Variants in ZNF385D observed in about 807,000 individuals in gnomAD.
The protein encoded by ZNF385D is zinc finger protein 385D.
A neutral mutation model predicts 35.8 loss-of-function variants in ZNF385D; 15 were observed. That is an observed-to-expected ratio of 0.42 (90% CI 0.28 to 0.64). The LOEUF (loss-of-function observed/expected upper bound fraction) is 0.64. Ranked by LOEUF, ZNF385D falls within the 30% of genes least tolerant of loss-of-function variation. ZNF385D has a pLI of 0.23. For synonymous variants in ZNF385D, 212 were observed against 186.8 expected (o/e 1.13, Z -1.10); for missense variants, 474 against 494.6 (o/e 0.96, Z 0.39).
chr3:22,327,892 A>C (rs938300255), intron 2 of ZNF385D, among the ~76,000 whole-genome samples: 1 of 152,186 alleles, frequency 6.6e-6, no homozygotes, highest in Non-Finnish European at 1.5e-5. Context: ...TCAACACTTG[A>C]GGTGTAACAT....
chr3:21,849,766 G>A (rs1179040863), intron 3 of ZNF385D: 1 of 151,648 alleles, frequency 6.6e-6, no homozygotes, highest in Admixed American at 6.6e-5. Context: ...GAATATTATT[G>A]AGTAGAGGTC....
chr3:21,425,435 T>A, intron 6 of ZNF385D, 57 bp downstream of exon 6: 1 of 1,468,712 alleles, frequency 6.8e-7, no homozygotes, highest in Non-Finnish European at 9.1e-7. Flanking sequence ...AGCACACACA[T>A]CCTGCTTATA....
chr3:22,270,816 AACTT>A (rs1210981657), intron 2 of ZNF385D, among the ~76,000 whole-genome samples: 1 of 152,016 alleles, frequency 6.6e-6, no homozygotes, highest in East Asian at 1.9e-4. Context: ...AAATGTATTG[AACTT>A]ACTTATGTAA....
intron 3 of ZNF385D, among the ~76,000 whole-genome samples, chr3:21,852,852 A>G (rs1386383893): frequency 1.3e-5 from 2 of 151,876 alleles, no homozygotes; most frequent in African/African-American, 2.4e-5. Flanking sequence ...ATTGTATTCA[A>G]AGAAATAATG....
chr3:22,094,686 G>A (rs1167701210), intron 3 of ZNF385D, among the ~76,000 whole-genome samples: 2 of 151,882 alleles, frequency 1.3e-5, no homozygotes, highest in Non-Finnish European at 2.9e-5. Context: ...GGGAGAAGAT[G>A]GCTAGTCATG....
chr3:21,440,488 A>G (rs1260955306), intron 4 of ZNF385D, among the ~76,000 whole-genome samples: 7 of 152,158 alleles, frequency 4.6e-5, no homozygotes, highest in Non-Finnish European at 5.9e-5. Flanking sequence ...GCCTAAGGAA[A>G]TATGAGAAAT....
chr3:21,475,160 T>C (rs1433412311), intron 4 of ZNF385D, among the ~76,000 whole-genome samples: 1 of 152,068 alleles, frequency 6.6e-6, no homozygotes, highest in African/African-American at 2.4e-5. Flanking sequence ...ATTTTTGAAT[T>C]ATTTATGTTA....
Position 21,910,540 on chromosome 3 carries a change from T to C in ZNF385D, c.326-245512A>G, listed in dbSNP as rs1699912814. On this transcript the variant is annotated intron_variant, in intron 3 of 5. Transcript: ENST00000494108. Reference sequence around the variant, plus strand: ...ATTATTAAAATTCTCATTTAAACACTAATATAACTGCTCTAATGAGCCAAA... The same window carrying C: ...ATTATTAAAATTCTCATTTAAACACCAATATAACTGCTCTAATGAGCCAAA... Among the ~76,000 whole-genome samples, 3 of 151,912 alleles carry C rather than the reference T, an allele frequency of 2.0e-5. No homozygotes were observed. In the Admixed American group the frequency reaches 2.0e-4, roughly 10 times the overall value.
intron 4 of ZNF385D, among the ~76,000 whole-genome samples, chr3:21,502,537 C>G (rs143602369): frequency 2.6e-5 from 4 of 152,108 alleles, no homozygotes; most frequent in Non-Finnish European, 5.9e-5. Context: ...CCAAATAGAA[C>G]CAGCCAAATA....
chr3:22,014,537 T>A (rs897234567), intron 3 of ZNF385D, among the ~76,000 whole-genome samples: 43 of 152,058 alleles, frequency 2.8e-4, no homozygotes, highest in Admixed American at 8.5e-4. Context: ...TTAAGAAAGT[T>A]TGAACCCCAA....
chr3:21,861,239 G>T lies in ZNF385D; in HGVS notation c.326-196211C>A, dbSNP rs184098130. 2.3e-4 allele frequency among the ~76,000 whole-genome samples: 35 copies of T among 152,224 alleles called. No homozygotes were observed. The East Asian group carries it at 6.4e-3, about 28-fold the overall frequency. ...CAAGTTCTATTTTTTTCGTGCCATA[G>T]TCCAGGTGTTTTGGCTGTATCAATA... On this transcript the variant is annotated intron_variant, in intron 3 of 5. Transcript: ENST00000494108.
At chr3:22,325,732 T>G (rs1394806728) in intron 2 of ZNF385D, among the ~76,000 whole-genome samples, 1 of 151,822 alleles carries the variant, frequency 6.6e-6, no homozygotes, top group Non-Finnish European at 1.5e-5. Flanking sequence ...CACTCCAGAG[T>G]GGCCAACAGA....
intron 2 of ZNF385D, among the ~76,000 whole-genome samples, chr3:22,209,859 G>C (rs576612789): frequency 9.2e-5 from 14 of 151,660 alleles, no homozygotes; most frequent in African/African-American, 3.4e-4. Context: ...TGTATATTCA[G>C]CCTTATCTTT....
At chr3:21,754,504 G>A (rs2070249677), upstream of ZNF385D, among the ~76,000 whole-genome samples, 1 of 152,146 alleles carries the variant, frequency 6.6e-6, no homozygotes, top group African/African-American at 2.4e-5. Context: ...AAAATATCAT[G>A]GTTGGGTGAA....
chr3:22,263,309 C>T (rs1576583759), intron 2 of ZNF385D, among the ~76,000 whole-genome samples: 2 of 152,138 alleles, frequency 1.3e-5, no homozygotes, highest in South Asian at 2.1e-4. Flanking sequence ...AAGCTTGTTC[C>T]ACTTGGGGAC....
At chr3:22,280,520 T>C (rs1701683111) in intron 2 of ZNF385D, among the ~76,000 whole-genome samples, 1 of 152,090 alleles carries the variant, frequency 6.6e-6, no homozygotes, top group Admixed American at 6.6e-5. Context: ...ATTTGTTGAA[T>C]AGGGTGTCCT....
At chr3:22,292,212 A>AT (rs1397661575) in intron 2 of ZNF385D, among the ~76,000 whole-genome samples, 2 of 151,950 alleles carry the variant, frequency 1.3e-5, no homozygotes, top group Non-Finnish European at 2.9e-5. Context: ...GACTTCCTTT[A>AT]TTTTTTAAAA....
At chr3:22,145,482 C>T (rs1704794031) in intron 3 of ZNF385D, among the ~76,000 whole-genome samples, 3 of 152,194 alleles carry the variant, frequency 2.0e-5, no homozygotes, top group Non-Finnish European at 2.9e-5. Context: ...GACTCTTTGC[C>T]TATGAAGGCA....
chr3:22,299,021 C>G (rs896648387), intron 2 of ZNF385D, among the ~76,000 whole-genome samples: 1 of 151,878 alleles, frequency 6.6e-6, no homozygotes, highest in Admixed American at 6.6e-5. Flanking sequence ...TACAATATAT[C>G]ACAGAGTAGT....
Sources: allele counts gnomAD v4.1 joint callset (sites outside exome capture counted in the v4.1 genomes callset), GRCh38; gene constraint gnomAD v4.1.1; transcripts MANE v1.5; gene names NCBI Gene and HGNC (gene_info 2026-07-23, HGNC 2026-07-21).